Variants in TRIM24 observed in about 807,000 individuals in gnomAD.
TRIM24 encodes the protein transcription intermediary factor 1-alpha.
In TRIM24, 29 loss-of-function variants were observed where a neutral mutation model predicts 123.9. That is an observed-to-expected ratio of 0.23 (90% CI 0.17 to 0.32). The LOEUF (loss-of-function observed/expected upper bound fraction) is 0.32, where lower values mean the gene tolerates loss of function less well. Among genes scored for constraint, TRIM24 ranks in the 10% least tolerant of loss-of-function variants. TRIM24 has a pLI of 1.00. For synonymous variants in TRIM24, 456 were observed against 461.1 expected, an observed-to-expected ratio of 0.99 and a Z score of 0.14; for missense variants, 932 against 1,295.3, an observed-to-expected ratio of 0.72 and a Z score of 4.31.
intron 1 of TRIM24, among the ~76,000 whole-genome samples, chr7:138,497,855 C>G (rs1040226193): frequency 1.3e-5 from 2 of 150,782 alleles, no homozygotes; most frequent in Non-Finnish European, 3.0e-5. Context: ...CATACCTGGC[C>G]AATTTTTTAT....
intron 1 of TRIM24, chr7:138,491,143 A>C (rs766313010): frequency 3.0e-5 from 9 of 299,082 alleles, no homozygotes; most frequent in Middle Eastern, 1.4e-3. Flanking sequence ...ATGCAACTTC[A>C]TCATTCTGCA....
intron 1 of TRIM24, among the ~76,000 whole-genome samples, chr7:138,480,626 TTTTTG>T (rs889127535): frequency 1.3e-5 from 2 of 152,118 alleles, no homozygotes; most frequent in Non-Finnish European, 2.9e-5. Context: ...TGTGGGTGTT[TTTTTG>T]TTTTGTTTTG....
chr7:138,499,361 C>T (rs761381899), intron 1 of TRIM24, among the ~76,000 whole-genome samples: 1 of 152,122 alleles, frequency 6.6e-6, no homozygotes, highest in Non-Finnish European at 1.5e-5. Flanking sequence ...TGCCTGAGTC[C>T]AGTGAGTCAA....
At chr7:138,550,740 A>C (rs1171690142) in intron 7 of TRIM24, among the ~76,000 whole-genome samples, 1 of 152,212 alleles carries the variant, frequency 6.6e-6, no homozygotes, top group Non-Finnish European at 1.5e-5. Flanking sequence ...CTAAGAGAGT[A>C]AGTAAAATAA....
chr7:138,536,333 C>G (rs1395414142), intron 6 of TRIM24, among the ~76,000 whole-genome samples: 2 of 152,168 alleles, frequency 1.3e-5, no homozygotes, highest in African/African-American at 4.8e-5. Context: ...TGTTTTTTCC[C>G]CATCTTTGTG....
rs1584736002 is a variant in TRIM24, at chr7:138,554,732, A to G, written c.1296A>G (p.Pro432=). 6.2e-7 allele frequency: 1 copy of G among 1,614,176 alleles called. No individual in the cohort carries two copies. The highest frequency in any genetic ancestry group is 1.6e-4 in the Middle Eastern group (1 of 6,062). The change falls in exon 9 of 19, where the codon CCA becomes CCG. Residue 432 remains proline, a synonymous_variant. Coordinates refer to ENST00000343526, the MANE Select transcript of TRIM24 (RefSeq NM_015905.3). This position sits in a 1 kb window ranked among gnomAD's most constrained non-coding sequence, Gnocchi z 4.5. ...SLVIEDKESQ[P]QMPKQNPVVE... ...TAATCGAGGATAAAGAGAGCCAGCCACAAATGCCTAAGCAGAATCCTGTCG... is the reference window on the plus strand; with the variant it reads ...TAATCGAGGATAAAGAGAGCCAGCCGCAAATGCCTAAGCAGAATCCTGTCG...
intron 1 of TRIM24, among the ~76,000 whole-genome samples, chr7:138,467,579 G>C (rs1795172721): frequency 6.6e-6 from 1 of 152,126 alleles, no homozygotes; most frequent in African/African-American, 2.4e-5. Context: ...TTGACCTGGT[G>C]ATCTGCCCGC....
rs1796761248 is a variant in TRIM24, at chr7:138,532,153, C to A, written c.996+2923C>A. 4.0e-5 allele frequency among the ~76,000 whole-genome samples: 6 copies of A among 151,698 alleles called. No homozygotes were observed. In the South Asian group the frequency reaches 1.0e-3, roughly 26 times the overall value. On this transcript the variant is annotated intron_variant, in intron 6 of 18. Transcript: ENST00000343526. ...TGAGTAGATTGCAAAACTTTTTTCCCATTCTGTAGGTTGCCTGTTCACTCT... is the reference window on the plus strand; with the variant it reads ...TGAGTAGATTGCAAAACTTTTTTCCAATTCTGTAGGTTGCCTGTTCACTCT...
At chr7:138,525,191 T>C (rs773331854) in intron 4 of TRIM24, 50 bp from the exon 5 acceptor site, 16 of 854,136 alleles carry the variant, frequency 1.9e-5, no homozygotes, top group Non-Finnish European at 2.6e-5. Flanking sequence ...ATTCTTGGAC[T>C]TTTTCCTCAT....
intron 1 of TRIM24, among the ~76,000 whole-genome samples, chr7:138,463,989 C>CTTTATTTTTTTTTTTTTTTT (rs1795072432): frequency 2.0e-5 from 1 of 50,766 alleles, no homozygotes; most frequent in Non-Finnish European, 3.6e-5. Context: ...AAAATTTAGA[C>CTTTATTTTTTTTTTTTTTTT]TTTTTTTTTT....
At chr7:138,478,242 G>A (rs189601318) in intron 1 of TRIM24, among the ~76,000 whole-genome samples, 2 of 152,254 alleles carry the variant, frequency 1.3e-5, no homozygotes, top group East Asian at 3.9e-4. Flanking sequence ...GGTAAGCCTT[G>A]TGGTTTATAA....
chr7:138,508,708 C>CGTGTGT (rs61703393), intron 2 of TRIM24, among the ~76,000 whole-genome samples: 50 of 136,286 alleles, frequency 3.7e-4, no homozygotes, highest in Admixed American at 3.6e-4. Context: ...CGCGTGTGTG[C>CGTGTGT]GTGTGTGTGT....
At chr7:138,478,723 G>A (rs1441976781) in intron 1 of TRIM24, among the ~76,000 whole-genome samples, 8 of 152,178 alleles carry the variant, frequency 5.3e-5, no homozygotes, top group Non-Finnish European at 1.2e-4. Flanking sequence ...CAAAGAAGGG[G>A]CAGGAGAGGG....
chr7:138,555,704 G>A (rs561817121), intron 9 of TRIM24, among the ~76,000 whole-genome samples: 49 of 151,936 alleles, frequency 3.2e-4, no homozygotes, highest in African/African-American at 1.1e-3. Context: ...GGATGGTCTC[G>A]ATCTCCTGAC....
rs149146084 is a variant in TRIM24 at position 138,538,552 on chromosome 7, G to C, written c.997-105G>C. The C allele has an allele frequency of 7.2e-4, 884 of 1,227,246 alleles. 3 individuals carry two copies. The African/African-American group carries it at 0.011, about 15-fold the overall frequency. The allele number at this position is 1,227,246 out of a possible 1,614,324, so 76.0% of individuals were successfully genotyped here. ...AGAGTATTTTTAGTTTCAGTAAATT[G>C]AGTAATTAGAGATTGTAGTTATTCT... On this transcript the variant is annotated intron_variant, in intron 6 of 18. Coordinates refer to ENST00000343526, the MANE Select transcript of TRIM24 (RefSeq NM_015905.3).
intron 1 of TRIM24, among the ~76,000 whole-genome samples, chr7:138,482,024 G>A (rs1300393995): frequency 6.6e-6 from 1 of 152,086 alleles, no homozygotes; most frequent in African/African-American, 2.4e-5. Flanking sequence ...TTATGTATGC[G>A]TGAGTCTGTT....
chr7:138,548,176 C>T (rs1232019927), intron 7 of TRIM24, among the ~76,000 whole-genome samples: 2 of 152,126 alleles, frequency 1.3e-5, no homozygotes, highest in African/African-American at 2.4e-5. Context: ...TGTGTGACAT[C>T]ATAGGATATA....
At position 138,585,727 on chromosome 7, in the gene TRIM24, CTG is replaced by C; in HGVS notation, c.*782_*783del. 1 of 486,186 alleles carries C rather than the reference CTG, an allele frequency of 2.1e-6. No individual in the cohort carries two copies. Among genetic ancestry groups the C allele is most frequent in the Non-Finnish European group, 4.0e-6 (1 of 247,836 alleles). 30.1% of individuals were successfully genotyped at this position (486,186 alleles called of 1,614,324 possible). The stretch of plus-strand genomic sequence containing the variant: ...AGGGAAGTATATACATTTGGGTTTG[CTG>C]TGTGTCTATGTGAGGTTTAATTGTA... On this transcript the variant is annotated 3_prime_UTR_variant, in exon 19 of 19. Transcript: ENST00000343526.
At chr7:138,516,253 G>A (rs913331951) in intron 3 of TRIM24, among the ~76,000 whole-genome samples, 1 of 152,202 alleles carries the variant, frequency 6.6e-6, no homozygotes, top group African/African-American at 2.4e-5. Flanking sequence ...GGTGAGCCGA[G>A]ATCGCACCAC....
Sources: gnomAD v4.1 joint callset for allele counts (sites outside exome capture counted in the v4.1 genomes callset) on GRCh38, gnomAD v4.1.1 for gene constraint, Gnocchi (gnomAD v3.1) non-coding constraint, MANE v1.5 for transcripts, NCBI Gene and HGNC (gene_info 2026-07-23, HGNC 2026-07-21) for gene names.